QTMAN: variants seen among roughly 807,000 people sequenced by gnomAD.
QTMAN encodes queuosine-tRNA mannosyltransferase.
At chr2:143,984,887 C>T in the QTMAN span, among the ~76,000 whole-genome samples, 1 of 152,312 alleles carries the variant, frequency 6.6e-6, no homozygotes, top group East Asian at 1.9e-4. Context: ...ATAAAGTCCT[C>T]CACATTTACC....
the QTMAN span, among the ~76,000 whole-genome samples, chr2:144,162,260 A>G: frequency 1.3e-5 from 2 of 152,088 alleles, no homozygotes; most frequent in East Asian, 3.9e-4. Flanking sequence ...GAACGAATAT[A>G]CTTCAAAGGA....
chr2:144,012,680 C>T, the QTMAN span, among the ~76,000 whole-genome samples: 7,820 of 152,180 alleles, frequency 0.051, 329 homozygotes, highest in African/African-American at 0.11. Flanking sequence ...GTTCAACCTA[C>T]AGAATCTCAT....
the QTMAN span, among the ~76,000 whole-genome samples, chr2:144,212,940 TTCAAATTCTATTTAAGA>T: frequency 6.6e-6 from 1 of 152,176 alleles, no homozygotes. Context: ...TTCATACCAC[TTCAAATTCTATTTAAGA>T]TCACCAGAAG....
chr2:144,188,276 A>AT, the QTMAN span, among the ~76,000 whole-genome samples: 82 of 149,186 alleles, frequency 5.5e-4, no homozygotes, highest in African/African-American at 8.6e-4. Context: ...AGTAGCACCA[A>AT]TTTTTTTTTT....
the QTMAN span, among the ~76,000 whole-genome samples, chr2:144,243,587 C>T: frequency 1.3e-5 from 2 of 152,256 alleles, no homozygotes; most frequent in East Asian, 1.9e-4. Flanking sequence ...CTGTTAGAAA[C>T]GACTTGAAAG....
At chr2:144,279,212 C>G in the QTMAN span, among the ~76,000 whole-genome samples, 10 of 152,004 alleles carry the variant, frequency 6.6e-5, no homozygotes, top group Non-Finnish European at 1.3e-4. Context: ...TTAGGGACAT[C>G]AGATGCACAT....
chr2:144,250,088 T>C, the QTMAN span, among the ~76,000 whole-genome samples: 1 of 151,996 alleles, frequency 6.6e-6, no homozygotes, highest in East Asian at 1.9e-4. Flanking sequence ...GCTGTATTCT[T>C]TTATCAAAAC....
At chr2:144,042,763 CAAA>C in the QTMAN span, among the ~76,000 whole-genome samples, 4 of 64,440 alleles carry the variant, frequency 6.2e-5, no homozygotes, top group South Asian at 5.1e-4. Flanking sequence ...GACTCTGTCT[CAAA>C]AAAAAAAAAA....
the QTMAN span, among the ~76,000 whole-genome samples, chr2:144,020,974 GAACAAA>G: frequency 1.3e-3 from 198 of 150,290 alleles, 1 homozygote; most frequent in Admixed American, 1.5e-3. Context: ...GTAGAAAGCA[GAACAAA>G]AACAAAAACA....
chr2:144,200,077 G>C, the QTMAN span, among the ~76,000 whole-genome samples: 1 of 152,058 alleles, frequency 6.6e-6, no homozygotes, highest in Non-Finnish European at 1.5e-5. Context: ...TCATTTTTGT[G>C]GGGCAGATTC....
chr2:144,211,245 A>C, the QTMAN span: 13 of 152,348 alleles, frequency 8.5e-5, no homozygotes, highest in Non-Finnish European at 1.6e-4. Context: ...AGGCTGAAAA[A>C]CAGAAAAGGG....
chr2:144,095,120 A>G, the QTMAN span, among the ~76,000 whole-genome samples: 5 of 151,962 alleles, frequency 3.3e-5, no homozygotes, highest in South Asian at 1.0e-3. Flanking sequence ...ATTCTCCCCT[A>G]TCCTTCCCTA....
the QTMAN span, among the ~76,000 whole-genome samples, chr2:144,298,754 T>A: frequency 6.6e-6 from 1 of 152,196 alleles, no homozygotes. Context: ...TTGATTGCTA[T>A]CTGTAGCAAA....
the QTMAN span, among the ~76,000 whole-genome samples, chr2:144,103,621 T>A: frequency 1.2e-3 from 189 of 152,252 alleles, no homozygotes; most frequent in African/African-American, 4.4e-3. Flanking sequence ...AAATGGTATT[T>A]ATAGCTACCA....
the QTMAN span, among the ~76,000 whole-genome samples, chr2:143,971,256 C>T: frequency 6.6e-6 from 1 of 151,920 alleles, no homozygotes; most frequent in Non-Finnish European, 1.5e-5. Flanking sequence ...TTTGTGCCCA[C>T]AAGGAACGCA....
At chr2:144,107,745 C>A in the QTMAN span, among the ~76,000 whole-genome samples, 2 of 152,192 alleles carry the variant, frequency 1.3e-5, no homozygotes, top group Non-Finnish European at 2.9e-5. Flanking sequence ...TCCTCCCTAA[C>A]TCATTTTATG....
At chr2:144,008,462 G>A in the QTMAN span, among the ~76,000 whole-genome samples, 3 of 152,020 alleles carry the variant, frequency 2.0e-5, no homozygotes, top group Non-Finnish European at 4.4e-5. Flanking sequence ...AAAGGAAAAA[G>A]GGGTGAAGAA....
At chr2:143,995,687 T>C in the QTMAN span, among the ~76,000 whole-genome samples, 1 of 152,180 alleles carries the variant, frequency 6.6e-6, no homozygotes, top group African/African-American at 2.4e-5. Context: ...TTGCTGCCTA[T>C]AGAATTAGTA....
the QTMAN span, among the ~76,000 whole-genome samples, chr2:144,195,376 T>G: frequency 1.5e-4 from 23 of 152,232 alleles, no homozygotes; most frequent in East Asian, 1.5e-3. Context: ...GGACCTGCAT[T>G]TTTAATACTC....
Sources: gnomAD v4.1 joint callset for allele counts (sites outside exome capture counted in the v4.1 genomes callset) on GRCh38, gnomAD v4.1.1 for gene constraint, MANE v1.5 for transcripts, NCBI Gene and HGNC (gene_info 2026-07-23, HGNC 2026-07-21) for gene names.